Variants in MAPKBP1 observed in about 807,000 individuals in gnomAD.
MAPKBP1 encodes the protein mitogen-activated protein kinase binding protein 1, also known as mitogen-activated protein kinase-binding protein 1.
A neutral mutation model predicts 170.5 loss-of-function variants in MAPKBP1; 71 were observed. That is an observed-to-expected ratio of 0.42 (90% CI 0.34 to 0.51). The LOEUF is 0.51. Ranked by LOEUF, MAPKBP1 falls within the 20% of genes least tolerant of loss-of-function variation. The pLI is 0.06. For missense variants in MAPKBP1, 1,598 were observed against 1,933.0 expected, an observed-to-expected ratio of 0.83 and a Z score of 3.25; for synonymous variants, 719 against 757.9, an observed-to-expected ratio of 0.95 and a Z score of 0.84.
In MAPKBP1 at chr15:41,817,788, T is replaced by C; in HGVS notation, c.1904+53T>C. On this transcript the variant is annotated intron_variant, in intron 16 of 30. Transcript: ENST00000457542. This position sits in a 1 kb window ranked among gnomAD's most constrained non-coding sequence, Gnocchi z 4.2. ...CACATTCCTTCATCTCCCTACGGGGTCAGCTCTGTGCAGCTAAGTTCCCAC... is the reference window on the plus strand; with the variant it reads ...CACATTCCTTCATCTCCCTACGGGGCCAGCTCTGTGCAGCTAAGTTCCCAC... The C allele has an allele frequency of 2.5e-6, 4 of 1,597,610 alleles. No individual in the cohort carries two copies. Among genetic ancestry groups the C allele is most frequent in the South Asian group, 2.2e-5 (2 of 89,366 alleles).
At chr15:41,814,900 T>C (rs1385573575) in intron 10 of MAPKBP1, among the ~76,000 whole-genome samples, 161 bp downstream of exon 10, 1 of 152,106 alleles carries the variant, frequency 6.6e-6, no homozygotes, top group Non-Finnish European at 1.5e-5. Flanking sequence ...AGTTTGAATG[T>C]TACAGGCTTC....
chr15:41,818,717 A>G lies in MAPKBP1; in HGVS notation c.2157-106A>G. ...TAGCTTTTGGCTGTGCTTGACCTGAAGTGGAGGGTGGCTCTGGTCTCCTTG... is the reference window on the plus strand; with the variant it reads ...TAGCTTTTGGCTGTGCTTGACCTGAGGTGGAGGGTGGCTCTGGTCTCCTTG... On this transcript the variant is annotated intron_variant, in intron 19 of 30. Transcript: ENST00000457542. This position sits in a 1 kb window ranked among gnomAD's most constrained non-coding sequence, Gnocchi z 5.2. The G allele has an allele frequency of 6.5e-7, 1 of 1,542,206 alleles. No individual in the cohort carries two copies. The highest frequency in any genetic ancestry group is 8.8e-7 in the Non-Finnish European group (1 of 1,131,474).
At chr15:41,811,648 A>T (rs751008511) in intron 5 of MAPKBP1, 5 of 627,088 alleles carry the variant, frequency 8.0e-6, no homozygotes, top group South Asian at 7.6e-5. Context: ...TAGGGGCAGA[A>T]ATAGACCTGA....
intron 3 of MAPKBP1, among the ~76,000 whole-genome samples, chr15:41,808,700 T>C (rs1004591504): frequency 9.2e-5 from 14 of 151,770 alleles, no homozygotes; most frequent in African/African-American, 3.4e-4. Context: ...GATCTCGAAC[T>C]CCTGACCTCA....
At chr15:41,778,582 C>A (rs2064133797) in intron 2 of MAPKBP1, among the ~76,000 whole-genome samples, 2 of 152,160 alleles carry the variant, frequency 1.3e-5, no homozygotes, top group Admixed American at 1.3e-4. Flanking sequence ...AAGTTTTATG[C>A]TAAATCAGCT....
chr15:41,779,235 G>A (rs1195358786), intron 2 of MAPKBP1, among the ~76,000 whole-genome samples: 3 of 152,146 alleles, frequency 2.0e-5, no homozygotes, highest in African/African-American at 7.2e-5. Context: ...TTTCGAGACG[G>A]AGTCTTGCTC....
Position 41,816,980 on chromosome 15 carries a change from C to T in MAPKBP1, c.1656C>T (p.Ser552=). The change falls in exon 14 of 31, where the codon AGC becomes AGT. Residue 552 remains serine, a synonymous_variant. Transcript: ENST00000457542. The stretch of plus-strand genomic sequence containing the variant: ...TGCTGGATGCCGGGCGGGAGTACAG[C>T]CTACAGCAGACGCTGGACGAACACT... The part of the protein sequence containing the change: ...IHVLDAGREY[S]LQQTLDEHSS... 6.2e-7 allele frequency: 1 copy of T among 1,611,910 alleles called. No individual in the cohort carries two copies.
chr15:41,807,492 G>A (rs1190826923), intron 3 of MAPKBP1, among the ~76,000 whole-genome samples: 1 of 152,196 alleles, frequency 6.6e-6, no homozygotes, highest in Non-Finnish European at 1.5e-5. Context: ...AATTCAATTA[G>A]ATCAACTCTC....
chr15:41,813,066 G>C lies in MAPKBP1; in HGVS notation c.784G>C (p.Asp262His). Residue 262 changes from aspartate to histidine, a missense_variant, in exon 8 of 31, where the codon GAT (aspartate) becomes CAT (histidine). Coordinates refer to ENST00000457542, the MANE Select transcript of MAPKBP1 (RefSeq NM_014994.3). ...TSSGLLCEFSDRRLLDKWVEL... is the reference protein window; with the variant it reads ...TSSGLLCEFSHRRLLDKWVEL... ...CTCAGGGCTGCTGTGCGAGTTCAGT[G>C]ATCGAAGGCTTTTGGACAAGTGGGT... 1 of 1,611,346 alleles carries C rather than the reference G, an allele frequency of 6.2e-7. No homozygotes were observed. The highest frequency in any genetic ancestry group is 8.5e-7 in the Non-Finnish European group (1 of 1,178,542).
chr15:41,785,249 C>G (rs1407300640), intron 2 of MAPKBP1, among the ~76,000 whole-genome samples: 2 of 152,128 alleles, frequency 1.3e-5, no homozygotes, highest in East Asian at 1.9e-4. Flanking sequence ...TTTTAATCAG[C>G]CTTTCTGCAT....
In MAPKBP1 at chr15:41,825,115, C is replaced by T; in HGVS notation, c.4300-94C>T. On this transcript the variant is annotated intron_variant, in intron 30 of 30. Coordinates refer to ENST00000457542, the MANE Select transcript of MAPKBP1 (RefSeq NM_014994.3). The stretch of plus-strand genomic sequence containing the variant: ...TTGGCGGGTAGAGTTCCCAGCTAGT[C>T]CCTTCTGAGGCAGGCTGGACCCAGG... The T allele has an allele frequency of 7.8e-6, 7 of 894,230 alleles. No individual in the cohort carries two copies. The South Asian group carries it at 1.1e-4, about 14-fold the overall frequency. The allele number at this position is 894,230 out of a possible 1,614,324, so 55.4% of individuals were successfully genotyped here.
intron 2 of MAPKBP1, among the ~76,000 whole-genome samples, chr15:41,784,571 C>T (rs2064248463): frequency 6.6e-6 from 1 of 151,812 alleles, no homozygotes; most frequent in South Asian, 2.1e-4. Flanking sequence ...ATCACAAGGT[C>T]AAGAGATCTA....
At chr15:41,811,117 G>C in intron 4 of MAPKBP1, 61 bp from the exon 5 acceptor site, 1 of 1,595,040 alleles carries the variant, frequency 6.3e-7, no homozygotes, top group South Asian at 1.1e-5. Flanking sequence ...GAGAGGCTGG[G>C]AGGGGGCTAG....
chr15:41,820,817 C>T lies in MAPKBP1; in HGVS notation c.2482-15C>T. ...GGTTGTTGTTACTCCTCCCCCACCC[C>T]CTACCTCCCACCAGGCACAGGAGTC... On this transcript the variant is annotated splice_polypyrimidine_tract_variant and intron_variant, in intron 22 of 30. Transcript: ENST00000457542. The T allele has an allele frequency of 1.9e-6, 3 of 1,605,336 alleles. No homozygotes were observed. The highest frequency in any genetic ancestry group is 2.2e-5 in the East Asian group (1 of 44,798).
chr15:41,822,146 G>T (rs772477275), intron 25 of MAPKBP1, 36 bp downstream of exon 25: 13 of 1,590,602 alleles, frequency 8.2e-6, no homozygotes, highest in Non-Finnish European at 9.4e-6. Flanking sequence ...GCCATGGGGG[G>T]TGGGGCCTGG....
intron 2 of MAPKBP1, among the ~76,000 whole-genome samples, chr15:41,791,327 C>T (rs1408477098): frequency 6.6e-6 from 1 of 152,184 alleles, no homozygotes; most frequent in Non-Finnish European, 1.5e-5. Flanking sequence ...GGACCCTGGC[C>T]TTTTGTGACT....
Position 41,793,379 on chromosome 15 carries a change from C to T in MAPKBP1, c.115-6444C>T, listed in dbSNP as rs538332327. On this transcript the variant is annotated intron_variant, in intron 2 of 30. Transcript: ENST00000457542. ...GCATGTGCCTGTAGTACCAGCTACT[C>T]GGGAGGCTGAGGCAGGAGAATAGTG... Among the ~76,000 whole-genome samples, 3 of 151,996 alleles carry T rather than the reference C, an allele frequency of 2.0e-5. No individual in the cohort carries two copies. In the East Asian group the frequency reaches 5.8e-4, roughly 29 times the overall value.
At chr15:41,815,520 G>C in intron 11 of MAPKBP1, 104 bp from the exon 12 acceptor site, 1 of 1,552,400 alleles carries the variant, frequency 6.4e-7, no homozygotes, top group Non-Finnish European at 8.8e-7. Context: ...CCTTCATTTG[G>C]CTGTGCTCTG....
At position 41,822,671 on chromosome 15, in the gene MAPKBP1, C is replaced by T; in HGVS notation, c.3308C>T (p.Pro1103Leu). Residue 1103 changes from proline to leucine, a missense_variant, in exon 27 of 31, where the codon CCA becomes CTA. By Grantham distance (98) the Pro-to-Leu change is moderately conservative. Transcript: ENST00000457542. ...SRFLLQVQTRPLREPSPSSSS... is the reference protein window; with the variant it reads ...SRFLLQVQTRLLREPSPSSSS... ...TTCCTGTTGCAAGTACAGACCCGCC[C>T]ACTCAGGTACAGAGGCCCCCTACCC... is the stretch of plus-strand genomic sequence containing the variant. The T allele has an allele frequency of 6.2e-7, 1 of 1,614,070 alleles. No individual in the cohort carries two copies. The highest frequency in any genetic ancestry group is 8.5e-7 in the Non-Finnish European group (1 of 1,179,960).
Sources: allele counts gnomAD v4.1 joint callset (sites outside exome capture counted in the v4.1 genomes callset), GRCh38; gene constraint gnomAD v4.1.1; non-coding constraint Gnocchi (gnomAD v3.1); transcripts MANE v1.5; gene names NCBI Gene and HGNC (gene_info 2026-07-23, HGNC 2026-07-21).